Variants in JMJD1C observed in about 807,000 individuals in gnomAD.
JMJD1C encodes jumonji domain containing 1C.
JMJD1C carries 31 observed loss-of-function variants against 245.3 expected under a neutral mutation model. That is an observed-to-expected ratio of 0.13 (90% CI 0.09 to 0.17). The LOEUF (loss-of-function observed/expected upper bound fraction) is 0.17. Ranked by LOEUF, JMJD1C falls within the 10% of genes least tolerant of loss-of-function variation. The probability of loss-of-function intolerance (pLI) is 1.00; values close to 1 mark genes in which losing one functional copy is unlikely to be tolerated. For synonymous variants in JMJD1C, 1,057 were observed against 1,017.4 expected, an observed-to-expected ratio of 1.04 and a Z score of -0.74; for missense variants, 2,691 against 3,000.2, an observed-to-expected ratio of 0.90 and a Z score of 2.41.
rs1014407154 is a variant in JMJD1C, at chr10:63,254,519, A to G, written c.447+10132T>C. Among the ~76,000 whole-genome samples, 10 of 152,262 alleles carry G rather than the reference A, an allele frequency of 6.6e-5. No homozygotes were observed. The South Asian group carries it at 8.3e-4, about 13-fold the overall frequency. On this transcript the variant is annotated intron_variant, in intron 3 of 25. Transcript: ENST00000399262. ...AAAGGCAGGCAGTGTAACAGAAATA[A>G]TATCTTATACTCTAAAATTTTGAGT...
At chr10:63,237,301 G>C (rs112049982) in intron 3 of JMJD1C, among the ~76,000 whole-genome samples, 5,337 of 152,264 alleles carry the variant, frequency 0.035, 292 homozygotes, top group East Asian at 0.26. Flanking sequence ...GCCTCCCAAA[G>C]AGCTGGGATT....
At chr10:63,508,559 A>C (rs1477042908) in intron 1 of JMJD1C, among the ~76,000 whole-genome samples, 1 of 152,198 alleles carries the variant, frequency 6.6e-6, no homozygotes, top group African/African-American at 2.4e-5. Context: ...GAATCTATAG[A>C]TCAAGTTGGG....
chr10:63,340,901 C>T (rs1326542936), intron 2 of JMJD1C, among the ~76,000 whole-genome samples: 6 of 151,998 alleles, frequency 3.9e-5, no homozygotes, highest in African/African-American at 1.2e-4. Flanking sequence ...GTTGAAATCG[C>T]GCCACTGCAC....
Position 63,176,355 on chromosome 10 carries a change from C to T in JMJD1C, c.7343G>A (p.Cys2448Tyr). ...RLLEEYGVRT[C>Y]TLIQFLGDAI... ...ATCACCAAGGAACTGAATAAGAGTA[C>T]AGGTTCTGACTCCATATTCTTCAAG... The change falls in exon 24 of 26, where the codon TGT (cysteine) becomes TAT (tyrosine). Residue 2448 changes from cysteine to tyrosine, a missense_variant. Physicochemically the swap from Cys to Tyr is radical, Grantham distance 194 (BLOSUM62 -2). Transcript: ENST00000399262. The T allele has an allele frequency of 6.2e-7, 1 of 1,613,952 alleles. No homozygotes were observed. Among genetic ancestry groups the T allele is most frequent in the Non-Finnish European group, 8.5e-7 (1 of 1,179,924 alleles).
At chr10:63,241,181 C>T (rs1379267719) in intron 3 of JMJD1C, among the ~76,000 whole-genome samples, 2 of 152,148 alleles carry the variant, frequency 1.3e-5, no homozygotes, top group Non-Finnish European at 2.9e-5. Context: ...CTTTGAAATA[C>T]GGATGCTCGA....
chr10:63,168,473 G>T lies in JMJD1C; in HGVS notation c.7495C>A (p.Leu2499Ile), dbSNP rs532878838. 22 of 1,610,166 alleles carry T rather than the reference G, an allele frequency of 1.4e-5. No individual in the cohort carries two copies. Among genetic ancestry groups the T allele is most frequent in the Non-Finnish European group, 1.8e-5 (21 of 1,178,606 alleles). ...ESFHLTQELR[L>I]LKEEINYDDK... ...TCATAATTGATTTCTTCCTTCAAAAGTCTCAGTTCCTGTGTTAAATGAAAT... is the reference window on the plus strand; with the variant it reads ...TCATAATTGATTTCTTCCTTCAAAATTCTCAGTTCCTGTGTTAAATGAAAT... Residue 2499 changes from leucine to isoleucine, a missense_variant, in exon 25 of 26, where the codon CTT becomes ATT. Leu to Ile is a conservative substitution (Grantham distance 5). Coordinates refer to ENST00000399262, the MANE Select transcript of JMJD1C (RefSeq NM_032776.3).
At chr10:63,299,905 G>A (rs1859884511) in intron 2 of JMJD1C, among the ~76,000 whole-genome samples, 2 of 151,504 alleles carry the variant, frequency 1.3e-5, no homozygotes. Flanking sequence ...TTTTACAGAT[G>A]ATCAGGTCTT....
At chr10:63,449,185 A>G (rs925388236) in intron 1 of JMJD1C, among the ~76,000 whole-genome samples, 4 of 152,228 alleles carry the variant, frequency 2.6e-5, no homozygotes, top group African/African-American at 9.6e-5. Context: ...TGTATAGTAA[A>G]TAATCATCAC....
chr10:63,226,900 T>C (rs1849357570), intron 3 of JMJD1C, among the ~76,000 whole-genome samples: 1 of 151,560 alleles, frequency 6.6e-6, no homozygotes, highest in South Asian at 2.1e-4. Context: ...TCATCTCTAC[T>C]AAAAAATACA....
At chr10:63,276,920 T>C (rs1212175304) in intron 2 of JMJD1C, among the ~76,000 whole-genome samples, 1 of 104,718 alleles carries the variant, frequency 9.5e-6, no homozygotes, top group East Asian at 2.6e-4. Context: ...AGTCTCGCTC[T>C]GTCGCCCAGG....
At chr10:63,401,829 T>C (rs1948875444) in intron 1 of JMJD1C, among the ~76,000 whole-genome samples, 1 of 151,796 alleles carries the variant, frequency 6.6e-6, no homozygotes, top group Non-Finnish European at 1.5e-5. Flanking sequence ...TGTATAGAAT[T>C]AATACCCTAA....
Position 63,192,964 on chromosome 10 carries a change from T to C in JMJD1C, c.6050A>G (p.Glu2017Gly). ...TTTTTTTTCCTCTCTGGCTTTTTGC[T>C]CTGCAAGATCTGCTAACCAGTGCAG... is the stretch of plus-strand genomic sequence containing the variant. ...SPLHWLADLAEQKAREEKKEN... is the reference protein window; with the variant it reads ...SPLHWLADLAGQKAREEKKEN... Residue 2017 changes from glutamate (E) to glycine (G), a missense_variant, in exon 16 of 26, where the codon GAG becomes GGG. Transcript: ENST00000399262. The C allele has an allele frequency of 6.2e-7, 1 of 1,614,142 alleles. No individual in the cohort carries two copies.
chr10:63,499,796 A>T (rs74137765), intron 1 of JMJD1C, among the ~76,000 whole-genome samples: 3 of 152,354 alleles, frequency 2.0e-5, no homozygotes, highest in Non-Finnish European at 4.4e-5. Context: ...TTAAAAAGCA[A>T]ATTTATAAAC....
At chr10:63,312,561 A>T (rs1008774414) in intron 2 of JMJD1C, among the ~76,000 whole-genome samples, 3 of 152,228 alleles carry the variant, frequency 2.0e-5, no homozygotes, top group African/African-American at 7.2e-5. Flanking sequence ...AATAAAAATA[A>T]TTTCTTTCTT....
intron 3 of JMJD1C, among the ~76,000 whole-genome samples, chr10:63,259,116 G>A (rs1023173949): frequency 3.3e-5 from 5 of 152,158 alleles, no homozygotes; most frequent in African/African-American, 1.2e-4. Flanking sequence ...ACAAAGCACT[G>A]TAACAGGAAG....
chr10:63,359,964 A>G (rs1945182963), intron 2 of JMJD1C, among the ~76,000 whole-genome samples: 2 of 152,098 alleles, frequency 1.3e-5, no homozygotes, highest in Admixed American at 1.3e-4. Flanking sequence ...GGTATGGAAG[A>G]CCTTATCTTT....
chr10:63,500,325 A>T (rs1382868177), intron 1 of JMJD1C, among the ~76,000 whole-genome samples: 1 of 151,758 alleles, frequency 6.6e-6, no homozygotes, highest in Non-Finnish European at 1.5e-5. Context: ...TGGGAGGCTG[A>T]GATGGGAGGA....
chr10:63,414,237 C>T lies in JMJD1C; in HGVS notation c.169-33755G>A, dbSNP rs1949672551. Among the ~76,000 whole-genome samples, 4 of 152,188 alleles carry T rather than the reference C, an allele frequency of 2.6e-5. No homozygotes were observed. In the South Asian group the frequency reaches 6.2e-4, roughly 24 times the overall value. On this transcript the variant is annotated intron_variant, in intron 1 of 25. Coordinates refer to ENST00000399262, the MANE Select transcript of JMJD1C (RefSeq NM_032776.3). ...TCCTGACCTCGTGATCTGCCTGCCT[C>T]GGCCTCCCAAAGTGCTGGGATCACA...
intron 1 of JMJD1C, among the ~76,000 whole-genome samples, chr10:63,402,090 C>T (rs1258302418): frequency 6.6e-6 from 1 of 150,780 alleles, no homozygotes; most frequent in Non-Finnish European, 1.5e-5. Context: ...GCCCAGATAG[C>T]GCCATTGCAC....
Sources: gnomAD v4.1 joint callset for allele counts (sites outside exome capture counted in the v4.1 genomes callset) on GRCh38, gnomAD v4.1.1 for gene constraint, MANE v1.5 for transcripts, NCBI Gene and HGNC (gene_info 2026-07-23, HGNC 2026-07-21) for gene names.